CCDC60: variants seen among roughly 807,000 people sequenced by gnomAD.
The protein encoded by CCDC60 is coiled-coil domain containing 60.
CCDC60 carries 54 observed loss-of-function variants against 63.5 expected under a neutral mutation model. The observed-to-expected ratio is 0.85, with a 90% CI of 0.68 to 1.07. The LOEUF is 1.07. Among genes scored for constraint, CCDC60 ranks in the 50% least tolerant of loss-of-function variants. The probability of loss-of-function intolerance (pLI) is 0.00; values close to 1 mark genes in which losing one functional copy is unlikely to be tolerated. For missense variants in CCDC60, 651 were observed against 684.3 expected (o/e 0.95, Z 0.54); for synonymous variants, 206 against 238.8 (o/e 0.86, Z 1.27).
intron 1 of CCDC60, among the ~76,000 whole-genome samples, chr12:119,397,968 T>G (rs1465024187): frequency 1.4e-4 from 1 of 6,902 alleles, no homozygotes; most frequent in Non-Finnish European, 2.6e-4. Flanking sequence ...AGGAAGGGGG[T>G]GGCGTGGGGA....
intron 1 of CCDC60, among the ~76,000 whole-genome samples, chr12:119,382,668 T>C (rs78778691): frequency 0.011 from 1,704 of 152,130 alleles, 28 homozygotes; most frequent in African/African-American, 0.039. Flanking sequence ...CACTGGGAGA[T>C]GAGGATGGAG....
intron 5 of CCDC60, among the ~76,000 whole-genome samples, chr12:119,495,825 C>G (rs1261701026): frequency 2.0e-5 from 3 of 152,058 alleles, no homozygotes; most frequent in Non-Finnish European, 1.5e-5. Context: ...GTGAGGGAAG[C>G]AACAGATGAT....
chr12:119,358,152 C>T (rs1451757675), intron 1 of CCDC60, among the ~76,000 whole-genome samples: 1 of 152,158 alleles, frequency 6.6e-6, no homozygotes, highest in Non-Finnish European at 1.5e-5. Context: ...CCACCAGGCC[C>T]CACCTCCAAC....
At chr12:119,360,348 CCCCA>C (rs1228222638) in intron 1 of CCDC60, among the ~76,000 whole-genome samples, 2 of 85,176 alleles carry the variant, frequency 2.3e-5, no homozygotes, top group African/African-American at 5.0e-5. Flanking sequence ...GGGCTGACGC[CCCCA>C]CCTCCCTCCC....
intron 2 of CCDC60, chr12:119,429,551 T>A (rs1271427592): frequency 6.6e-6 from 1 of 152,196 alleles, no homozygotes. Context: ...TCTATTGATC[T>A]TAGACATCTC....
At position 119,522,931 on chromosome 12, in the gene CCDC60, T is replaced by C. The variant is rs746980282; in HGVS notation, c.1041-8T>C. ...TGAGCAACTTGAAACCATCCTTTTGTGTTTCAGTGAGAGATCCAGCAGTAC... is the reference window on the plus strand; with the variant it reads ...TGAGCAACTTGAAACCATCCTTTTGCGTTTCAGTGAGAGATCCAGCAGTAC... On this transcript the variant is annotated splice_polypyrimidine_tract_variant and splice_region_variant and intron_variant, in intron 9 of 13. Coordinates refer to ENST00000327554, the MANE Select transcript of CCDC60 (RefSeq NM_178499.5). 1.0e-4 allele frequency: 167 copies of C among 1,613,640 alleles called. No homozygotes were observed. Among genetic ancestry groups the C allele is most frequent in the Non-Finnish European group, 1.2e-4 (143 of 1,179,680 alleles).
intron 3 of CCDC60, among the ~76,000 whole-genome samples, chr12:119,477,683 A>T (rs545934789): frequency 1.3e-5 from 2 of 152,332 alleles, no homozygotes; most frequent in African/African-American, 2.4e-5. Flanking sequence ...AGATGGCATG[A>T]ATTAGAAAGA....
At chr12:119,463,968 T>C (rs1221292059) in intron 2 of CCDC60, among the ~76,000 whole-genome samples, 3 of 152,080 alleles carry the variant, frequency 2.0e-5, no homozygotes, top group Non-Finnish European at 4.4e-5. Flanking sequence ...CCTTCCTTCT[T>C]TCCTCTCTTC....
chr12:119,431,441 T>C (rs1053611227), intron 2 of CCDC60, among the ~76,000 whole-genome samples: 1 of 152,192 alleles, frequency 6.6e-6, no homozygotes, highest in African/African-American at 2.4e-5. Flanking sequence ...TGGTGCCAGC[T>C]GATCCATCAA....
intron 2 of CCDC60, among the ~76,000 whole-genome samples, chr12:119,466,021 T>C (rs930300014): frequency 6.6e-6 from 1 of 152,214 alleles, no homozygotes; most frequent in African/African-American, 2.4e-5. Flanking sequence ...TTTCTTAGTT[T>C]AAAATCGTAC....
intron 7 of CCDC60, among the ~76,000 whole-genome samples, chr12:119,514,726 T>G (rs1952309120): frequency 6.6e-6 from 1 of 152,132 alleles, no homozygotes; most frequent in Admixed American, 6.5e-5. Context: ...TTTAGTAAAT[T>G]TACTGCAGCC....
Position 119,540,663 on chromosome 12 carries a change from G to A in CCDC60, c.1601G>A (p.Trp534Ter), listed in dbSNP as rs1280152406. 6.2e-7 allele frequency: 1 copy of A among 1,613,924 alleles called. No individual in the cohort carries two copies. Among genetic ancestry groups the A allele is most frequent in the Admixed American group, 1.7e-5 (1 of 60,008 alleles). ...ATGCCTCAAGAGGATTACATCAGCT[G>A]GCTGCAGAGCCGGATCAACATACCC... is the stretch of plus-strand genomic sequence containing the variant. The part of the protein sequence containing the change: ...IHMPQEDYIS[W>*]LQSRINIPIG... The change falls in exon 14 of 14, where the codon TGG becomes TAG. Residue 534 changes from tryptophan (W) to a stop codon, truncating the protein, a stop_gained. Transcript: ENST00000327554. LOFTEE classifies it low-confidence loss of function (END_TRUNC).
At chr12:119,443,623 T>C (rs1329153002) in intron 2 of CCDC60, among the ~76,000 whole-genome samples, 1 of 152,230 alleles carries the variant, frequency 6.6e-6, no homozygotes, top group Non-Finnish European at 1.5e-5. Flanking sequence ...TTCCAAATTA[T>C]TGCTTACAAA....
At chr12:119,429,183 T>A (rs1250402634) in intron 2 of CCDC60, among the ~76,000 whole-genome samples, 1 of 152,104 alleles carries the variant, frequency 6.6e-6, no homozygotes, top group Non-Finnish European at 1.5e-5. Flanking sequence ...TTTTTCCCTA[T>A]CTGTAAAATG....
At chr12:119,488,704 CG>C (rs1951514069) in intron 4 of CCDC60, 54 bp from the exon 5 acceptor site, 1 of 1,478,604 alleles carries the variant, frequency 6.8e-7, no homozygotes, top group African/African-American at 1.4e-5. Flanking sequence ...GCTATTTTTG[CG>C]AAGAAAGTTG....
At chr12:119,409,891 C>T in intron 1 of CCDC60, among the ~76,000 whole-genome samples, 1 of 152,120 alleles carries the variant, frequency 6.6e-6, no homozygotes, top group South Asian at 2.1e-4. Flanking sequence ...TCTTTTCCCA[C>T]CTCCCTCTCT....
At chr12:119,350,199 T>G (rs1955641940) in intron 1 of CCDC60, among the ~76,000 whole-genome samples, 2 of 151,162 alleles carry the variant, frequency 1.3e-5, no homozygotes, top group South Asian at 4.2e-4. Flanking sequence ...ATTTATTTAT[T>G]TATTTATTTA....
chr12:119,334,878 A>C lies in CCDC60; in HGVS notation c.-299A>C. 3.6e-6 allele frequency: 1 copy of C among 275,440 alleles called. No individual in the cohort carries two copies. The highest frequency in any genetic ancestry group is 6.3e-5 in the East Asian group (1 of 15,942). The allele number at this position is 275,440 out of a possible 1,614,324, so 17.1% of individuals were successfully genotyped here. A position where few individuals can be genotyped will look rare whatever the true frequency, so the allele number is the denominator to read the frequency against. On this transcript the variant is annotated 5_prime_UTR_variant, in exon 1 of 14. Coordinates refer to ENST00000327554, the MANE Select transcript of CCDC60 (RefSeq NM_178499.5). ...GTTCATATTTTATTTTGCTTATAGA[A>C]GAGAAAGATATCCCTTCCGAAGAGG...
At chr12:119,490,612 TAG>T (rs1389907749) in intron 5 of CCDC60, among the ~76,000 whole-genome samples, 2 of 152,110 alleles carry the variant, frequency 1.3e-5, no homozygotes, top group Non-Finnish European at 2.9e-5. Context: ...TTGCCCAGGC[TAG>T]AGTACAGTGT....
Sources: gnomAD v4.1 joint callset for allele counts (sites outside exome capture counted in the v4.1 genomes callset) on GRCh38, gnomAD v4.1.1 for gene constraint, MANE v1.5 for transcripts, NCBI Gene and HGNC (gene_info 2026-07-23, HGNC 2026-07-21) for gene names.